Variants in CPQ observed in about 807,000 individuals in gnomAD.
The protein encoded by CPQ is Ser-Met dipeptidase.
A neutral mutation model predicts 45.7 loss-of-function variants in CPQ; 37 were observed. The ratio of observed to expected loss-of-function variants is 0.81; its 90% confidence interval spans 0.62 to 1.07. The LOEUF (loss-of-function observed/expected upper bound fraction) is 1.07, where lower values mean the gene tolerates loss of function less well. CPQ is among the 50% of genes least tolerant of loss of function. CPQ has a pLI of 0.00. For synonymous variants in CPQ, 186 were observed against 205.8 expected, an observed-to-expected ratio of 0.90 and a Z score of 0.82; for missense variants, 537 against 572.9, an observed-to-expected ratio of 0.94 and a Z score of 0.64.
intron 2 of CPQ, among the ~76,000 whole-genome samples, chr8:96,830,334 G>C (rs1291479604): frequency 6.6e-6 from 1 of 151,958 alleles, no homozygotes; most frequent in Non-Finnish European, 1.5e-5. Context: ...AACTGTTTTG[G>C]GGAAGAATCA....
At chr8:96,691,040 A>C (rs1408633094) in intron 1 of CPQ, among the ~76,000 whole-genome samples, 1 of 145,392 alleles carries the variant, frequency 6.9e-6, no homozygotes, top group Non-Finnish European at 1.5e-5. Flanking sequence ...TGGTTGTATT[A>C]GTTTCCTAGG....
At chr8:96,694,148 G>A (rs184944314) in intron 1 of CPQ, among the ~76,000 whole-genome samples, 2 of 151,908 alleles carry the variant, frequency 1.3e-5, no homozygotes, top group African/African-American at 4.8e-5. Flanking sequence ...TTAAAACATA[G>A]CACCAGATAA....
chr8:96,646,098 G>A (rs905335833), intron 1 of CPQ, among the ~76,000 whole-genome samples: 2 of 150,934 alleles, frequency 1.3e-5, no homozygotes, highest in Non-Finnish European at 2.9e-5. Flanking sequence ...CAGTGGAGAC[G>A]CAGGCTTACA....
intron 2 of CPQ, among the ~76,000 whole-genome samples, chr8:96,794,336 C>T (rs537873229): frequency 6.6e-6 from 1 of 152,192 alleles, no homozygotes; most frequent in African/African-American, 2.4e-5. Context: ...GGCTTGTGCC[C>T]TCTGAAGCCG....
intron 1 of CPQ, among the ~76,000 whole-genome samples, chr8:96,747,485 G>C (rs573192949): frequency 5.9e-5 from 9 of 152,192 alleles, no homozygotes; most frequent in African/African-American, 2.2e-4. Context: ...AAAAATTTTT[G>C]CTTTCAAAAT....
chr8:96,849,081 A>G (rs1055884182), intron 3 of CPQ, among the ~76,000 whole-genome samples: 6 of 152,218 alleles, frequency 3.9e-5, no homozygotes, highest in South Asian at 2.1e-4. Flanking sequence ...ATGTAATCCA[A>G]TATGTTAACA....
intron 4 of CPQ, among the ~76,000 whole-genome samples, chr8:96,949,245 A>G (rs1198387931): frequency 1.7e-5 from 2 of 119,738 alleles, no homozygotes; most frequent in Non-Finnish European, 3.3e-5. Context: ...GTCCTCGTTT[A>G]TGTTTTCTTG....
chr8:97,012,209 CT>C (rs1563553851), intron 5 of CPQ, among the ~76,000 whole-genome samples: 1 of 152,100 alleles, frequency 6.6e-6, no homozygotes, highest in Non-Finnish European at 1.5e-5. Flanking sequence ...GGCATTTAAT[CT>C]TTTTTATTTC....
intron 4 of CPQ, among the ~76,000 whole-genome samples, chr8:96,923,503 T>A (rs2130912731): frequency 6.6e-6 from 1 of 152,274 alleles, no homozygotes; most frequent in East Asian, 1.9e-4. Flanking sequence ...ATGGCTCCAG[T>A]CTCAATTCTC....
chr8:96,880,488 G>C (rs1190735835), intron 4 of CPQ, among the ~76,000 whole-genome samples: 1 of 139,850 alleles, frequency 7.2e-6, no homozygotes, highest in East Asian at 2.1e-4. Flanking sequence ...GCCCATCAAT[G>C]GTGGGCTGGC....
Position 96,802,099 on chromosome 8 carries a change from C to A in CPQ, c.433+16769C>A, listed in dbSNP as rs867193485. ...CTTTCTTTCTCTTTATCTCCCTCTC[C>A]CTTTCTTTCTCTTTGTCTCTTTCTT... On this transcript the variant is annotated intron_variant, in intron 2 of 7. Transcript: ENST00000220763. 5.3e-5 allele frequency among the ~76,000 whole-genome samples: 8 copies of A among 151,904 alleles called. No individual in the cohort carries two copies. In the South Asian group the frequency reaches 6.2e-4, roughly 12 times the overall value.
chr8:96,922,954 G>C (rs1812828829), intron 4 of CPQ, among the ~76,000 whole-genome samples: 1 of 152,140 alleles, frequency 6.6e-6, no homozygotes, highest in Non-Finnish European at 1.5e-5. Flanking sequence ...TGCTTGATTG[G>C]GTGGCATAGC....
intron 1 of CPQ, among the ~76,000 whole-genome samples, chr8:96,731,859 G>C (rs1454537638): frequency 6.6e-6 from 1 of 151,678 alleles, no homozygotes; most frequent in Non-Finnish European, 1.5e-5. Context: ...CTATTTTTTT[G>C]TTCCAATATG....
intron 5 of CPQ, among the ~76,000 whole-genome samples, chr8:97,024,588 C>T (rs1365772988): frequency 3.9e-5 from 6 of 152,162 alleles, no homozygotes; most frequent in African/African-American, 1.4e-4. Context: ...TTTTGTCTAA[C>T]CATGTCCCTA....
intron 5 of CPQ, among the ~76,000 whole-genome samples, chr8:96,976,387 G>T (rs1328201318): frequency 1.3e-5 from 2 of 151,822 alleles, no homozygotes; most frequent in East Asian, 3.9e-4. Context: ...CCATGCTCAT[G>T]GATGGGTAGC....
chr8:96,781,941 C>T (rs980371945), intron 1 of CPQ, among the ~76,000 whole-genome samples: 1 of 152,164 alleles, frequency 6.6e-6, no homozygotes, highest in Non-Finnish European at 1.5e-5. Flanking sequence ...AAATAATTTT[C>T]TTTGACTCCA....
intron 1 of CPQ, among the ~76,000 whole-genome samples, chr8:96,661,843 A>C (rs945100299): frequency 6.6e-6 from 1 of 152,240 alleles, no homozygotes; most frequent in African/African-American, 2.4e-5. Context: ...GAGTATGTTT[A>C]GTTTTTTAAG....
intron 1 of CPQ, among the ~76,000 whole-genome samples, chr8:96,703,015 A>G (rs1056757280): frequency 6.6e-6 from 1 of 152,184 alleles, no homozygotes; most frequent in African/African-American, 2.4e-5. Flanking sequence ...TGTGAGTACA[A>G]TGTTAATGAA....
rs561098270 is a variant in CPQ at position 96,834,241 on chromosome 8, A to G, written c.434-732A>G. Among the ~76,000 whole-genome samples the G allele has an allele frequency of 1.3e-3, 204 of 152,342 alleles. 2 individuals are homozygous for G. Among genetic ancestry groups the G allele is most frequent in the Admixed American group, 9.9e-3 (151 of 15,306 alleles). On this transcript the variant is annotated intron_variant, in intron 2 of 7. Transcript: ENST00000220763. ...GGCAAGTCTTATGGTATGAGAAAAG[A>G]AGGGACATCTCTTCTAACAAAGACA...
Sources: gnomAD v4.1 joint callset for allele counts (sites outside exome capture counted in the v4.1 genomes callset) on GRCh38, gnomAD v4.1.1 for gene constraint, MANE v1.5 for transcripts, NCBI Gene and HGNC (gene_info 2026-07-23, HGNC 2026-07-21) for gene names.